The following OR14A2 variants were observed in gnomAD, a reference collection of about 807,000 sequenced individuals.
OR14A2 encodes the protein olfactory receptor 14A2.
For synonymous variants in OR14A2, 114 were observed against 58.6 expected (o/e 1.95, Z -4.32); for missense variants, 237 against 152.9 (o/e 1.55, Z -2.90).
At chr1:247,734,367 C>T in the OR14A2 span, among the ~76,000 whole-genome samples, 1 of 152,168 alleles carries the variant, frequency 6.6e-6, no homozygotes, top group Non-Finnish European at 1.5e-5. Flanking sequence ...TCGTGAGAAA[C>T]ACCCACTCAC....
At chr1:247,736,758 T>C in the OR14A2 span, among the ~76,000 whole-genome samples, 1 of 152,076 alleles carries the variant, frequency 6.6e-6, no homozygotes, top group Non-Finnish European at 1.5e-5. Context: ...ATTTTGACAC[T>C]GCTCCAGGTT....
chr1:247,740,565 G>A, the OR14A2 span, among the ~76,000 whole-genome samples: 1 of 152,032 alleles, frequency 6.6e-6, no homozygotes, highest in African/African-American at 2.4e-5. Context: ...CCTGACTTGT[G>A]CAAATTGCTT....
upstream of OR14A2, among the ~76,000 whole-genome samples, chr1:247,725,322 A>T (rs1660312169): frequency 6.6e-6 from 1 of 152,088 alleles, no homozygotes; most frequent in Non-Finnish European, 1.5e-5. Flanking sequence ...AGCAGTATAT[A>T]GTGAACTTGG....
chr1:247,745,241 G>T, the OR14A2 span, among the ~76,000 whole-genome samples: 1 of 151,922 alleles, frequency 6.6e-6, no homozygotes, highest in Admixed American at 6.6e-5. Context: ...GAAATGCAAA[G>T]GAAAATATAT....
At chr1:247,738,998 A>G in the OR14A2 span, 1 of 779,942 alleles carries the variant, frequency 1.3e-6, no homozygotes, top group Non-Finnish European at 2.4e-6. Context: ...GCTGCCCCCT[A>G]CACTGTGAGG....
chr1:247,741,459 A>T, the OR14A2 span, among the ~76,000 whole-genome samples: 7 of 152,316 alleles, frequency 4.6e-5, no homozygotes, highest in African/African-American at 1.7e-4. Context: ...GCATTAAATG[A>T]ACTTATCAAC....
chr1:247,725,681 CT>C (rs1572471579), upstream of OR14A2, among the ~76,000 whole-genome samples: 1 of 106,116 alleles, frequency 9.4e-6, no homozygotes, highest in East Asian at 3.3e-4. Context: ...TCCCTCCCCC[CT>C]CCCCCCACCC....
At chr1:247,744,608 A>G in the OR14A2 span, among the ~76,000 whole-genome samples, 3 of 152,282 alleles carry the variant, frequency 2.0e-5, no homozygotes, top group South Asian at 6.2e-4. This position sits in a 1 kb window ranked among gnomAD's most constrained non-coding sequence, Gnocchi z 4.3. Flanking sequence ...GACATGAAAG[A>G]TATCTATTGG....
At chr1:247,733,650 C>G in the OR14A2 span, among the ~76,000 whole-genome samples, 6 of 152,178 alleles carry the variant, frequency 3.9e-5, no homozygotes, top group Admixed American at 1.3e-4. Flanking sequence ...AATAAGTTAT[C>G]TGCTAACTCA....
At chr1:247,745,308 T>A in the OR14A2 span, among the ~76,000 whole-genome samples, 1 of 151,722 alleles carries the variant, frequency 6.6e-6, no homozygotes, top group Non-Finnish European at 1.5e-5. Flanking sequence ...CTAAGAAAAA[T>A]TCTACAGTGA....
chr1:247,739,411 C>G, the OR14A2 span: 1 of 780,808 alleles, frequency 1.3e-6, no homozygotes, highest in Admixed American at 1.7e-5. Context: ...GATGCACCTT[C>G]TATTCTAGAC....
the OR14A2 span, among the ~76,000 whole-genome samples, chr1:247,729,113 A>G: frequency 0.12 from 18,323 of 152,154 alleles, 1,900 homozygotes; most frequent in African/African-American, 0.28. Flanking sequence ...GGACTGCAAC[A>G]AATTATTTTT....
chr1:247,738,835 C>T, the OR14A2 span: 1 of 780,766 alleles, frequency 1.3e-6, no homozygotes. Context: ...CTCATTTCTG[C>T]CACAGTCCCC....
chr1:247,724,734 A>T (rs571180950), upstream of OR14A2, among the ~76,000 whole-genome samples: 2 of 152,278 alleles, frequency 1.3e-5, no homozygotes, highest in South Asian at 4.1e-4. Context: ...GAATGTGCAT[A>T]TGTGTACTAA....
chr1:247,743,689 T>A, the OR14A2 span, among the ~76,000 whole-genome samples: 1 of 152,194 alleles, frequency 6.6e-6, no homozygotes, highest in East Asian at 1.9e-4. Flanking sequence ...TATTGATTTA[T>A]AGGAGTTTTT....
the OR14A2 span, chr1:247,739,373 T>C: frequency 2.6e-6 from 2 of 780,856 alleles, no homozygotes; most frequent in Non-Finnish European, 4.8e-6. Flanking sequence ...TTGTAACAGG[T>C]GCTGTTGCTT....
chr1:247,740,057 A>G, the OR14A2 span, among the ~76,000 whole-genome samples: 2 of 152,220 alleles, frequency 1.3e-5, no homozygotes, highest in African/African-American at 4.8e-5. Flanking sequence ...TGTAGAAATA[A>G]TTAAAGTTTT....
upstream of OR14A2, among the ~76,000 whole-genome samples, chr1:247,725,266 TA>T (rs1169080425): frequency 6.6e-6 from 1 of 151,932 alleles, no homozygotes; most frequent in Non-Finnish European, 1.5e-5. Flanking sequence ...AAAAGAAGCT[TA>T]AAAAATAAAG....
At chr1:247,732,252 A>C in the OR14A2 span, among the ~76,000 whole-genome samples, 1 of 152,080 alleles carries the variant, frequency 6.6e-6, no homozygotes, top group Non-Finnish European at 1.5e-5. Flanking sequence ...AGTCCAGAAA[A>C]AAATAGGATC....
Sources: gnomAD v4.1 joint callset for allele counts (sites outside exome capture counted in the v4.1 genomes callset) on GRCh38, gnomAD v4.1.1 for gene constraint, Gnocchi (gnomAD v3.1) non-coding constraint, MANE v1.5 for transcripts, NCBI Gene and HGNC (gene_info 2026-07-23, HGNC 2026-07-21) for gene names.